The following ERBB4 variants were observed in gnomAD, a reference collection of about 807,000 sequenced individuals.
ERBB4 encodes the protein erb-b2 receptor tyrosine kinase 4, also known as receptor tyrosine-protein kinase erbB-4.
A neutral mutation model predicts 158.0 loss-of-function variants in ERBB4; 42 were observed. The observed-to-expected ratio is 0.27, with a 90% CI of 0.21 to 0.34. The LOEUF is 0.34. Among genes scored for constraint, ERBB4 ranks in the 10% least tolerant of loss-of-function variants. The pLI, the probability that ERBB4 is intolerant of heterozygous loss-of-function variation, is 1.00. For synonymous variants in ERBB4, 583 were observed against 558.7 expected (o/e 1.04, Z -0.61); for missense variants, 1,333 against 1,624.1 (o/e 0.82, Z 3.08).
chr2:212,103,565 C>G (rs1232358324), intron 2 of ERBB4, among the ~76,000 whole-genome samples: 1 of 152,032 alleles, frequency 6.6e-6, no homozygotes, highest in Admixed American at 6.6e-5. Context: ...TTTTGACCAA[C>G]CTGTTTCCCT....
chr2:212,003,158 A>G, intron 2 of ERBB4, among the ~76,000 whole-genome samples: 1 of 19,478 alleles, frequency 5.1e-5, no homozygotes, highest in Non-Finnish European at 2.7e-4. Flanking sequence ...GGAAAGAAAG[A>G]AAGAAAGAAA....
intron 5 of ERBB4, among the ~76,000 whole-genome samples, chr2:211,740,889 C>G (rs1285090832): frequency 1.3e-5 from 2 of 152,078 alleles, no homozygotes; most frequent in Admixed American, 1.3e-4. Flanking sequence ...GGATTACAGG[C>G]GTGAGCCACT....
intron 1 of ERBB4, among the ~76,000 whole-genome samples, chr2:212,292,743 GAA>G (rs1490301137): frequency 6.6e-6 from 1 of 152,056 alleles, no homozygotes; most frequent in Non-Finnish European, 1.5e-5. Flanking sequence ...AAAGATTAGT[GAA>G]AAGTTGTTTA....
At chr2:211,736,432 T>G (rs1425159638) in intron 5 of ERBB4, among the ~76,000 whole-genome samples, 1 of 152,170 alleles carries the variant, frequency 6.6e-6, no homozygotes, top group Non-Finnish European at 1.5e-5. Context: ...TTGGGCAGGG[T>G]GTACTGAAGT....
At position 212,474,883 on chromosome 2, in the gene ERBB4, G is replaced by A. The variant is rs184566722; in HGVS notation, c.82+63566C>T. Among the ~76,000 whole-genome samples the A allele has an allele frequency of 1.2e-3, 139 of 119,520 alleles. 1 individual carries two copies. Among genetic ancestry groups the A allele is most frequent in the African/African-American group, 4.6e-3 (135 of 29,092 alleles). 78.4% of individuals were successfully genotyped at this position (119,520 alleles called of 152,430 possible). ...CTCTATTGTCCTTCAACCTCCTGAT[G>A]GGCTCAAGGATTCCTAGCAGCTCAG... On this transcript the variant is annotated intron_variant, in intron 1 of 27. Coordinates refer to ENST00000342788, the MANE Select transcript of ERBB4 (RefSeq NM_005235.3).
chr2:212,462,528 A>T (rs1010754385), intron 1 of ERBB4, among the ~76,000 whole-genome samples: 5 of 152,236 alleles, frequency 3.3e-5, no homozygotes, highest in Non-Finnish European at 7.3e-5. Context: ...TTATTAGATA[A>T]ATGGAAATCA....
intron 25 of ERBB4, among the ~76,000 whole-genome samples, chr2:211,408,947 C>T (rs889572539): frequency 2.0e-5 from 3 of 152,044 alleles, no homozygotes; most frequent in Non-Finnish European, 2.9e-5. Context: ...TAGCAAACTC[C>T]GAGGATGTAA....
At chr2:211,562,406 T>C (rs897455654) in intron 19 of ERBB4, among the ~76,000 whole-genome samples, 19 of 152,194 alleles carry the variant, frequency 1.2e-4, no homozygotes, top group African/African-American at 4.3e-4. Flanking sequence ...TAAGTCAAAA[T>C]GAATTCCAGC....
At chr2:211,990,631 C>A (rs1396425226) in intron 2 of ERBB4, among the ~76,000 whole-genome samples, 1 of 151,902 alleles carries the variant, frequency 6.6e-6, no homozygotes, top group African/African-American at 2.4e-5. Flanking sequence ...TAGCTGGTTA[C>A]ACCCATGTTT....
At chr2:212,202,707 G>C (rs2082622792) in intron 1 of ERBB4, among the ~76,000 whole-genome samples, 1 of 152,124 alleles carries the variant, frequency 6.6e-6, no homozygotes, top group African/African-American at 2.4e-5. Flanking sequence ...TAATGTGGCA[G>C]TATTAAAAAG....
chr2:211,537,126 T>G (rs973499570), intron 20 of ERBB4, among the ~76,000 whole-genome samples: 3 of 151,992 alleles, frequency 2.0e-5, no homozygotes, highest in Non-Finnish European at 2.9e-5. Flanking sequence ...AATTAAAATT[T>G]TAAAAAATCA....
chr2:212,176,309 G>T (rs1330454784), intron 1 of ERBB4, among the ~76,000 whole-genome samples: 1 of 151,906 alleles, frequency 6.6e-6, no homozygotes, highest in African/African-American at 2.4e-5. Flanking sequence ...ATTTCAGGGT[G>T]GAGTCTTTGG....
intron 3 of ERBB4, among the ~76,000 whole-genome samples, chr2:211,807,912 C>A (rs2076658360): frequency 1.3e-5 from 2 of 152,290 alleles, no homozygotes; most frequent in East Asian, 3.9e-4. Context: ...CTGTTGGCTG[C>A]ATAAATGTCT....
intron 16 of ERBB4, among the ~76,000 whole-genome samples, chr2:211,643,257 A>C (rs1222710197): frequency 6.6e-6 from 1 of 152,168 alleles, no homozygotes; most frequent in African/African-American, 2.4e-5. Flanking sequence ...GAACAGGTAG[A>C]GCTGATGAAG....
chr2:212,270,480 G>A (rs979833608), intron 1 of ERBB4, among the ~76,000 whole-genome samples: 11 of 151,328 alleles, frequency 7.3e-5, no homozygotes, highest in African/African-American at 1.2e-4. Flanking sequence ...TATTTTCTAC[G>A]GCAGATTCAA....
At chr2:212,526,447 G>A (rs892661570) in intron 1 of ERBB4, among the ~76,000 whole-genome samples, 12 of 151,964 alleles carry the variant, frequency 7.9e-5, no homozygotes, top group Admixed American at 2.6e-4. Flanking sequence ...GAAAGAAAAG[G>A]GCCACTAAAG....
intron 25 of ERBB4, among the ~76,000 whole-genome samples, chr2:211,417,591 C>CAAAT (rs1223220154): frequency 1.3e-5 from 2 of 152,094 alleles, no homozygotes; most frequent in African/African-American, 4.8e-5. Context: ...ACTTTCTGGA[C>CAAAT]AAATATAAAC....
At chr2:212,099,187 T>A (rs1009764543) in intron 2 of ERBB4, among the ~76,000 whole-genome samples, 308 of 147,186 alleles carry the variant, frequency 2.1e-3, no homozygotes, top group Non-Finnish European at 3.8e-3. Flanking sequence ...AAATAAATAA[T>A]AAATAATAAA....
At chr2:211,848,242 T>G (rs13012677) in intron 3 of ERBB4, among the ~76,000 whole-genome samples, 32,896 of 151,944 alleles carry the variant, frequency 0.22, 3,658 homozygotes, top group South Asian at 0.33. Context: ...GGGTATAAAG[T>G]TTGTACCACC....
Sources: gnomAD v4.1 joint callset for allele counts (sites outside exome capture counted in the v4.1 genomes callset) on GRCh38, gnomAD v4.1.1 for gene constraint, MANE v1.5 for transcripts, NCBI Gene and HGNC (gene_info 2026-07-23, HGNC 2026-07-21) for gene names.